NALCN: variants seen among roughly 807,000 people sequenced by gnomAD.
NALCN encodes sodium leak channel NALCN.
Under a neutral mutation model 225.3 loss-of-function variants are expected in NALCN, and 111 were observed. The ratio of observed to expected loss-of-function variants is 0.49; its 90% confidence interval spans 0.42 to 0.58. The LOEUF (loss-of-function observed/expected upper bound fraction) is 0.58. Among genes scored for constraint, NALCN ranks in the 20% least tolerant of loss-of-function variants. The pLI is 0.00. For synonymous variants in NALCN, 764 were observed against 769.0 expected, an observed-to-expected ratio of 0.99 and a Z score of 0.11; for missense variants, 1,378 against 2,202.4, an observed-to-expected ratio of 0.63 and a Z score of 7.49.
At chr13:101,332,817 G>A (rs1228265715) in intron 7 of NALCN, among the ~76,000 whole-genome samples, 7 of 151,956 alleles carry the variant, frequency 4.6e-5, no homozygotes, top group Admixed American at 3.9e-4. Flanking sequence ...AATGTGGAGT[G>A]CTCACGCTTC....
At chr13:101,080,595 A>G (rs1269233397) in intron 34 of NALCN, among the ~76,000 whole-genome samples, 1 of 134,266 alleles carries the variant, frequency 7.4e-6, no homozygotes, top group Non-Finnish European at 1.6e-5. Flanking sequence ...TTAAATAATT[A>G]TTAAATTAAT....
At chr13:101,137,906 C>G (rs1008848430) in intron 17 of NALCN, among the ~76,000 whole-genome samples, 1 of 152,210 alleles carries the variant, frequency 6.6e-6, no homozygotes, top group Non-Finnish European at 1.5e-5. Context: ...ATTCTCACAA[C>G]AAACCTTGAA....
chr13:101,115,256 AATG>A (rs1468341638), intron 18 of NALCN, among the ~76,000 whole-genome samples: 2 of 152,168 alleles, frequency 1.3e-5, no homozygotes, highest in African/African-American at 4.8e-5. Context: ...AAGAGACAGT[AATG>A]AAAAAAAAAA....
chr13:101,259,482 C>T (rs961932568), intron 10 of NALCN, among the ~76,000 whole-genome samples: 8 of 151,592 alleles, frequency 5.3e-5, no homozygotes, highest in African/African-American at 9.7e-5. Context: ...TACAGGCGCC[C>T]GCCACCACGT....
chr13:101,410,833 C>T (rs139575883), intron 1 of NALCN, among the ~76,000 whole-genome samples: 41 of 152,262 alleles, frequency 2.7e-4, no homozygotes, highest in Non-Finnish European at 4.0e-4. Flanking sequence ...GCACAATCAC[C>T]CAAGCTCGAT....
rs368137584 is a variant in NALCN, at chr13:101,142,847, A to G, written c.2118+233T>C. On this transcript the variant is annotated intron_variant, in intron 17 of 43. Coordinates refer to ENST00000251127, the MANE Select transcript of NALCN (RefSeq NM_052867.4). ...GATTTGGGAGGCTCTTGATGTTTAC[A>G]AAGTCGCATGGCTGCCACGTGGCGC... The G allele has an allele frequency of 2.2e-3, 1,108 of 499,856 alleles. 2 individuals are homozygous for G. Among genetic ancestry groups the G allele is most frequent in the South Asian group, 4.9e-3 (237 of 48,326 alleles). The allele number at this position is 499,856 out of a possible 1,614,324, so 31.0% of individuals were successfully genotyped here. A position where few individuals can be genotyped will look rare whatever the true frequency, so the allele number is the denominator to read the frequency against.
At chr13:101,221,743 C>T (rs1271423799) in intron 13 of NALCN, among the ~76,000 whole-genome samples, 1 of 152,060 alleles carries the variant, frequency 6.6e-6, no homozygotes, top group Non-Finnish European at 1.5e-5. Context: ...TTAACCTCAC[C>T]GAAAGTTTCA....
intron 37 of NALCN, among the ~76,000 whole-genome samples, chr13:101,070,051 T>C (rs1016901704): frequency 7.4e-6 from 1 of 135,528 alleles, no homozygotes; most frequent in Admixed American, 7.9e-5. Context: ...CCTCCTTCCA[T>C]GAATCATGAA....
At chr13:101,110,955 T>C (rs189651754) in intron 19 of NALCN, among the ~76,000 whole-genome samples, 170 bp downstream of exon 19, 45 of 152,328 alleles carry the variant, frequency 3.0e-4, no homozygotes, top group African/African-American at 8.9e-4. Flanking sequence ...TTTGAATCTT[T>C]GGATCTGATT....
chr13:101,392,311 T>C (rs916107848), intron 3 of NALCN, among the ~76,000 whole-genome samples: 2 of 152,086 alleles, frequency 1.3e-5, no homozygotes, highest in Non-Finnish European at 2.9e-5. Context: ...TAAAATAGAA[T>C]AAAAATGTAT....
At chr13:101,293,267 G>A (rs1486435406) in intron 7 of NALCN, among the ~76,000 whole-genome samples, 1 of 151,990 alleles carries the variant, frequency 6.6e-6, no homozygotes, top group African/African-American at 2.4e-5. Flanking sequence ...CTGTAAAATG[G>A]GAAATAACAC....
rs60240326 is a variant in NALCN, at chr13:101,269,211, C to CATATATATATATATATATAT, written c.1135-10657_1135-10638dup. ...GTGTCCAGAAAGAGTAGAAAAAGCT[C>CATATATATATATATATATAT]ATATATATATATATATATATATATA... On this transcript the variant is annotated intron_variant, in intron 10 of 43. Coordinates refer to ENST00000251127, the MANE Select transcript of NALCN (RefSeq NM_052867.4). Among the ~76,000 whole-genome samples, 198 of 145,496 alleles carry CATATATATATATATATATAT rather than the reference C, an allele frequency of 1.4e-3. 1 individual carries two copies. The highest frequency in any genetic ancestry group is 1.6e-3 in the Non-Finnish European group (104 of 66,414).
chr13:101,285,942 C>G (rs997266192), intron 9 of NALCN, among the ~76,000 whole-genome samples: 3 of 152,148 alleles, frequency 2.0e-5, no homozygotes, highest in Non-Finnish European at 2.9e-5. Flanking sequence ...CATATATTGA[C>G]TTTGATCAGT....
intron 7 of NALCN, among the ~76,000 whole-genome samples, chr13:101,332,813 G>T (rs1415887174): frequency 6.6e-6 from 1 of 152,080 alleles, no homozygotes; most frequent in Non-Finnish European, 1.5e-5. Flanking sequence ...AGCAAATGTG[G>T]AGTGCTCACG....
chr13:101,145,779 T>C (rs1034981594), intron 15 of NALCN, among the ~76,000 whole-genome samples: 8 of 152,172 alleles, frequency 5.3e-5, no homozygotes, highest in Non-Finnish European at 8.8e-5. Flanking sequence ...GTCTGCCCTG[T>C]CTTCTGTCCC....
At chr13:101,091,281 T>C (rs2034219574) in intron 28 of NALCN, among the ~76,000 whole-genome samples, 1 of 152,214 alleles carries the variant, frequency 6.6e-6, no homozygotes. Context: ...TGATCATTTT[T>C]TCCCCCTGCT....
intron 11 of NALCN, among the ~76,000 whole-genome samples, chr13:101,247,207 A>G (rs1013780846): frequency 6.6e-6 from 1 of 152,182 alleles, no homozygotes; most frequent in Non-Finnish European, 1.5e-5. Flanking sequence ...ACAGAGACCA[A>G]CTACCCAAGG....
intron 15 of NALCN, among the ~76,000 whole-genome samples, chr13:101,157,287 T>C (rs1281925112): frequency 1.3e-5 from 2 of 152,186 alleles, no homozygotes; most frequent in Non-Finnish European, 2.9e-5. Context: ...AACACTGATA[T>C]ACTGGAAACA....
chr13:101,162,530 C>G (rs775963619), intron 15 of NALCN, among the ~76,000 whole-genome samples: 5 of 152,182 alleles, frequency 3.3e-5, no homozygotes, highest in South Asian at 4.1e-4. Context: ...GTAAACCTCA[C>G]TATTCTAACT....
Sources: gnomAD v4.1 joint callset for allele counts (sites outside exome capture counted in the v4.1 genomes callset) on GRCh38, gnomAD v4.1.1 for gene constraint, MANE v1.5 for transcripts, NCBI Gene and HGNC (gene_info 2026-07-23, HGNC 2026-07-21) for gene names.